TNFAIP3: variants seen among roughly 807,000 people sequenced by gnomAD.
TNFAIP3 encodes tumor necrosis factor alpha-induced protein 3.
Under a neutral mutation model 72.4 loss-of-function variants are expected in TNFAIP3, and 9 were observed. The ratio of observed to expected loss-of-function variants is 0.12; its 90% CI spans 0.07 to 0.22. The LOEUF (loss-of-function observed/expected upper bound fraction) is 0.22, where lower values mean the gene tolerates loss of function less well. Among genes scored for constraint, TNFAIP3 ranks in the 10% least tolerant of loss-of-function variants. TNFAIP3 has a pLI of 1.00. For synonymous variants in TNFAIP3, 339 were observed against 372.6 expected, an observed-to-expected ratio of 0.91 and a Z score of 1.04; for missense variants, 833 against 1,018.7, an observed-to-expected ratio of 0.82 and a Z score of 2.48.
rs1776457495 is a variant in TNFAIP3 at position 137,881,367 on chromosome 6, T to C, written c.*48T>C. 6.7e-7 allele frequency: 1 copy of C among 1,496,468 alleles called. No individual in the cohort carries two copies. Among genetic ancestry groups the C allele is most frequent in the East Asian group, 2.3e-5 (1 of 43,892 alleles). The allele number at this position is 1,496,468 out of a possible 1,614,324, so 92.7% of individuals were successfully genotyped here. On this transcript the variant is annotated 3_prime_UTR_variant, in exon 9 of 9. Transcript: ENST00000612899. The surrounding 1 kb of genome is among the most constrained non-coding windows in gnomAD (Gnocchi z 5.0). ...CTGCAAGAAGTGGGGCCTCGAGCTGTCAGTCATCATGGTGCTATCCTCTGA... is the reference window on the plus strand; with the variant it reads ...CTGCAAGAAGTGGGGCCTCGAGCTGCCAGTCATCATGGTGCTATCCTCTGA...
At chr6:137,875,247 A>T (rs1562270012) in intron 3 of TNFAIP3, among the ~76,000 whole-genome samples, 1 of 152,192 alleles carries the variant, frequency 6.6e-6, no homozygotes, top group Non-Finnish European at 1.5e-5. Context: ...CCAGCTGTGG[A>T]TCCGTTCCTG....
At chr6:137,872,843 C>T (rs865797009) in intron 2 of TNFAIP3, among the ~76,000 whole-genome samples, 1 of 152,026 alleles carries the variant, frequency 6.6e-6, no homozygotes, top group Non-Finnish European at 1.5e-5. Context: ...ATGGAGTCAA[C>T]TTTGGGGGAG....
chr6:137,870,089 C>T (rs1294447616), intron 1 of TNFAIP3, among the ~76,000 whole-genome samples: 3 of 152,176 alleles, frequency 2.0e-5, no homozygotes, highest in Non-Finnish European at 4.4e-5. Flanking sequence ...CTTTCCTTGT[C>T]TACTTCTAGA....
At chr6:137,870,273 T>C (rs1382935678) in intron 1 of TNFAIP3, among the ~76,000 whole-genome samples, 1 of 152,202 alleles carries the variant, frequency 6.6e-6, no homozygotes, top group Non-Finnish European at 1.5e-5. Flanking sequence ...TGTTCTATTA[T>C]TATTTTGCGG....
At chr6:137,873,238 T>G (rs1311282684) in intron 2 of TNFAIP3, among the ~76,000 whole-genome samples, 1 of 152,138 alleles carries the variant, frequency 6.6e-6, no homozygotes, top group Non-Finnish European at 1.5e-5. Context: ...TAAAAAAAAA[T>G]TAATCCTTCC....
rs1319799977 is a variant in TNFAIP3 at position 137,875,755 on chromosome 6, G to C, written c.554G>C (p.Gly185Ala). ...ACAGACACACCCATGGCCCGAAGTG[G>C]ACTTCAGTACAACTCACTGGAAGAA... Reference protein sequence around the residue: ...ASTDTPMARSGLQYNSLEEIH... With the variant: ...ASTDTPMARSALQYNSLEEIH... Residue 185 changes from glycine to alanine, a missense_variant, in exon 4 of 9, where the codon GGA (glycine) becomes GCA (alanine). By Grantham distance (60) the Gly-to-Ala change is moderately conservative. Around this residue, in one of 2 missense-constraint regions of TNFAIP3, gnomAD observed 246 missense variants for 360.9 expected, o/e 0.68. Transcript: ENST00000612899. The C allele has an allele frequency of 4.3e-6, 7 of 1,613,994 alleles. No individual in the cohort carries two copies. The highest frequency in any genetic ancestry group is 1.3e-5 in the African/African-American group (1 of 74,882).
intron 8 of TNFAIP3, among the ~76,000 whole-genome samples, chr6:137,880,508 A>T (rs941009984): frequency 1.3e-5 from 2 of 152,228 alleles, no homozygotes; most frequent in Non-Finnish European, 2.9e-5. Flanking sequence ...GCCATTGCAT[A>T]AAACTTCTTC....
Position 137,881,108 on chromosome 6 carries a change from G to C in TNFAIP3, c.2162G>C (p.Cys721Ser). The part of the protein sequence containing the change: ...TSRPKCARAS[C>S]KNILACRSEE... Reference sequence around the variant, plus strand: ...AGGCCCAAGTGCGCCCGGGCCTCCTGCAAGAACATCCTGGCCTGCCGCAGC... The same window carrying C: ...AGGCCCAAGTGCGCCCGGGCCTCCTCCAAGAACATCCTGGCCTGCCGCAGC... The change falls in exon 9 of 9, where the codon TGC (cysteine) becomes TCC (serine). Residue 721 changes from cysteine to serine, a missense_variant. Physicochemically the swap from Cys to Ser is moderately radical, Grantham distance 112. Around this residue, in one of 2 missense-constraint regions of TNFAIP3, gnomAD observed 587 missense variants for 657.8 expected, o/e 0.89. Transcript: ENST00000612899. The surrounding 1 kb of genome is among the most constrained non-coding windows in gnomAD (Gnocchi z 5.0). 1 of 1,613,958 alleles carries C rather than the reference G, an allele frequency of 6.2e-7. No individual in the cohort carries two copies.
intron 2 of TNFAIP3, among the ~76,000 whole-genome samples, 192 bp from the exon 3 acceptor site, chr6:137,874,653 A>T (rs941722522): frequency 6.6e-6 from 1 of 152,260 alleles, no homozygotes; most frequent in East Asian, 1.9e-4. Context: ...GAAGAATAAA[A>T]AGAACTCTTT....
intron 2 of TNFAIP3, among the ~76,000 whole-genome samples, chr6:137,872,186 A>G (rs1301696572): frequency 1.3e-5 from 2 of 152,202 alleles, no homozygotes; most frequent in African/African-American, 4.8e-5. Flanking sequence ...TGTTCTGCCA[A>G]TGGCCTTTAC....
intron 6 of TNFAIP3, 139 bp downstream of exon 6, chr6:137,877,395 T>A (rs2114492041): frequency 3.1e-6 from 2 of 637,158 alleles, no homozygotes; most frequent in Middle Eastern, 4.0e-4. Context: ...AAATTCAGAG[T>A]CTTGTGCATG....
intron 2 of TNFAIP3, among the ~76,000 whole-genome samples, chr6:137,874,257 G>A (rs1776154747): frequency 6.6e-6 from 1 of 152,184 alleles, no homozygotes; most frequent in African/African-American, 2.4e-5. Context: ...GTAATTCCGT[G>A]TTGTCAATAC....
intron 5 of TNFAIP3, 21 bp from the exon 6 acceptor site, chr6:137,877,055 A>G (rs2114489448): frequency 1.3e-6 from 2 of 1,561,324 alleles, no homozygotes; most frequent in Non-Finnish European, 1.7e-6. Context: ...TGTTTTACTT[A>G]TGTATTATTT....
rs1214884045 is a variant in TNFAIP3, at chr6:137,881,214, C to T, written c.2268C>T (p.Asp756=). ...ACCGGGGTGAGCCTGCCCCCGAAGA[C>T]CCCCCCAAGCAGCGTTGCCGGGCCC... ...GAHRGEPAPE[D]PPKQRCRAPA... Residue 756 remains aspartate, a synonymous_variant, in exon 9 of 9, where the codon GAC becomes GAT. Coordinates refer to ENST00000612899, the MANE Select transcript of TNFAIP3 (RefSeq NM_001270508.2). The surrounding 1 kb of genome is among the most constrained non-coding windows in gnomAD (Gnocchi z 5.0). 1.2e-6 allele frequency: 2 copies of T among 1,611,190 alleles called. No individual in the cohort carries two copies. The highest frequency in any genetic ancestry group is 3.4e-5 in the Admixed American group (2 of 59,528).
intron 2 of TNFAIP3, 140 bp from the exon 3 acceptor site, chr6:137,874,705 C>T (rs1776176427): frequency 1.4e-6 from 1 of 734,026 alleles, no homozygotes; most frequent in Non-Finnish European, 2.1e-6. Context: ...ATCAGTTTGC[C>T]CTTGACTAGG....
intron 1 of TNFAIP3, chr6:137,868,303 C>T (rs1173476830): frequency 6.6e-6 from 1 of 152,338 alleles, no homozygotes; most frequent in African/African-American, 2.4e-5. Flanking sequence ...CGCCTCAGAT[C>T]TTCTTGCCTT....
chr6:137,870,749 C>T (rs1776030937), intron 1 of TNFAIP3, among the ~76,000 whole-genome samples: 1 of 152,116 alleles, frequency 6.6e-6, no homozygotes, highest in Non-Finnish European at 1.5e-5. Context: ...AGCAGGAGTG[C>T]TTGGTGGTGG....
intron 1 of TNFAIP3, among the ~76,000 whole-genome samples, chr6:137,869,368 T>G (rs1261907694): frequency 7.0e-6 from 1 of 142,262 alleles, no homozygotes; most frequent in Admixed American, 7.2e-5. Context: ...GATGGATGGA[T>G]GGATGGATGG....
At chr6:137,875,536 A>G in intron 3 of TNFAIP3, 152 bp from the exon 4 acceptor site, 2 of 1,073,448 alleles carry the variant, frequency 1.9e-6, no homozygotes, top group East Asian at 2.6e-5. Context: ...AAATGGGGAA[A>G]AAAGGGTGAT....
Sources: gnomAD v4.1 joint callset for allele counts (sites outside exome capture counted in the v4.1 genomes callset) on GRCh38, gnomAD v4.1.1 for gene constraint, gnomAD v4.1.1 regional missense constraint, Gnocchi (gnomAD v3.1) non-coding constraint, MANE v1.5 for transcripts, NCBI Gene and HGNC (gene_info 2026-07-23, HGNC 2026-07-21) for gene names.